Variants in PPP2R3A observed in about 807,000 individuals in gnomAD.
PPP2R3A encodes protein phosphatase 2 regulatory subunit B''alpha.
In PPP2R3A, 80 loss-of-function variants were observed where a neutral mutation model predicts 106.9. The ratio of observed to expected loss-of-function variants is 0.75; its 90% CI spans 0.62 to 0.90. The LOEUF is 0.90. PPP2R3A is among the 40% of genes least tolerant of loss of function. The pLI is 0.00. For missense variants in PPP2R3A, 1,386 were observed against 1,350.4 expected (o/e 1.03, Z -0.41); for synonymous variants, 483 against 468.3 (o/e 1.03, Z -0.41).
chr3:136,040,545 A>G (rs1231788365), intron 3 of PPP2R3A, among the ~76,000 whole-genome samples: 1 of 152,232 alleles, frequency 6.6e-6, no homozygotes, highest in Admixed American at 6.5e-5. Context: ...GTCTCAAAAA[A>G]GAAGAAAGTG....
rs935394895 is a variant in PPP2R3A at position 136,001,905 on chromosome 3, A to G, written c.407A>G (p.Asn136Ser). 1 of 1,614,176 alleles carries G rather than the reference A, an allele frequency of 6.2e-7. No homozygotes were observed. Among genetic ancestry groups the G allele is most frequent in the Non-Finnish European group, 8.5e-7 (1 of 1,180,026 alleles). Residue 136 changes from asparagine (N) to serine (S), a missense_variant, in exon 2 of 14, where the codon AAC (asparagine) becomes AGC (serine). Physicochemically the swap from Asn to Ser is conservative, Grantham distance 46. Coordinates refer to ENST00000264977, the MANE Select transcript of PPP2R3A (RefSeq NM_002718.5). ...TCCTTTGAAAAACTCAAAAACTCTA[A>G]CCATGCAGCTTACAGAAAGGGAAGG... ...EFSFEKLKNS[N>S]HAAYRKGRKV...
intron 1 of PPP2R3A, among the ~76,000 whole-genome samples, chr3:135,982,410 G>A (rs1937550276): frequency 6.6e-6 from 1 of 152,268 alleles, no homozygotes; most frequent in Non-Finnish European, 1.5e-5. Context: ...AAGAACTTTG[G>A]AAGTGTCTCA....
intron 2 of PPP2R3A, among the ~76,000 whole-genome samples, chr3:136,004,764 C>A (rs1332915817): frequency 1.3e-5 from 2 of 152,060 alleles, no homozygotes; most frequent in Admixed American, 1.3e-4. Flanking sequence ...TGAGGAAGGG[C>A]GTACAGGGGG....
chr3:136,007,457 A>G (rs372789168), intron 2 of PPP2R3A, among the ~76,000 whole-genome samples: 8 of 152,162 alleles, frequency 5.3e-5, no homozygotes, highest in East Asian at 3.8e-4. Flanking sequence ...GCAAGACTCA[A>G]GTATCTTACC....
chr3:136,023,099 G>C, intron 2 of PPP2R3A: 1 of 1,613,410 alleles, frequency 6.2e-7, no homozygotes, highest in African/African-American at 1.3e-5. Context: ...CTCTACGAAG[G>C]GACCCGGATT....
intron 1 of PPP2R3A, among the ~76,000 whole-genome samples, chr3:135,989,148 T>C (rs142492702): frequency 1.9e-3 from 295 of 152,286 alleles, no homozygotes; most frequent in South Asian, 3.9e-3. Flanking sequence ...CAGAGCTGTT[T>C]TGTTGCAGTA....
intron 9 of PPP2R3A, among the ~76,000 whole-genome samples, chr3:136,089,523 C>T (rs1937039938): frequency 6.6e-6 from 1 of 151,276 alleles, no homozygotes. Context: ...TATGATACCT[C>T]TCGCTTGGTT....
intron 3 of PPP2R3A, among the ~76,000 whole-genome samples, chr3:136,030,607 A>G (rs1033688406): frequency 7.9e-5 from 12 of 151,726 alleles, no homozygotes; most frequent in African/African-American, 2.9e-4. Flanking sequence ...ATGCCTTTGC[A>G]TCCTCATAGC....
chr3:136,129,772 A>G (rs1021392617), intron 13 of PPP2R3A, among the ~76,000 whole-genome samples: 5 of 152,168 alleles, frequency 3.3e-5, no homozygotes, highest in Non-Finnish European at 7.3e-5. Flanking sequence ...TCCTCAAAAT[A>G]CTGGCAGGCC....
chr3:136,034,302 T>C (rs976570650), intron 3 of PPP2R3A, among the ~76,000 whole-genome samples: 14 of 152,206 alleles, frequency 9.2e-5, no homozygotes, highest in African/African-American at 2.7e-4. Context: ...CCCAAAGTGC[T>C]GGGATGATGG....
At position 136,082,196 on chromosome 3, in the gene PPP2R3A, C is replaced by T. The variant is rs1369898427; in HGVS notation, c.2632-69C>T. The stretch of plus-strand genomic sequence containing the variant: ...AAATTCAGTTTAAAACAGAAATTCG[C>T]TAGACTCTGCACAGTGGCCAAAGCT... On this transcript the variant is annotated intron_variant, in intron 7 of 13. Coordinates refer to ENST00000264977, the MANE Select transcript of PPP2R3A (RefSeq NM_002718.5). The T allele has an allele frequency of 3.0e-6, 4 of 1,334,270 alleles. No individual in the cohort carries two copies. In the African/African-American group the frequency reaches 4.4e-5, roughly 15 times the overall value. 82.7% of individuals were successfully genotyped at this position (1,334,270 alleles called of 1,614,324 possible).
At chr3:136,026,341 T>C (rs1934654660) in intron 2 of PPP2R3A, among the ~76,000 whole-genome samples, 1 of 152,168 alleles carries the variant, frequency 6.6e-6, no homozygotes, top group Non-Finnish European at 1.5e-5. Context: ...TGATTCTACC[T>C]CAGCAAAGTC....
chr3:136,026,777 A>G, intron 2 of PPP2R3A, 55 bp from the exon 3 acceptor site: 4 of 1,477,648 alleles, frequency 2.7e-6, no homozygotes, highest in Non-Finnish European at 3.7e-6. Flanking sequence ...GAGAATTTTC[A>G]GTAAATGAAT....
At chr3:136,047,857 A>G (rs1191270118) in intron 4 of PPP2R3A, among the ~76,000 whole-genome samples, 1 of 151,862 alleles carries the variant, frequency 6.6e-6, no homozygotes, top group African/African-American at 2.4e-5. Context: ...GTGAGCTGAG[A>G]TTGCGCCACT....
chr3:136,078,530 G>C, intron 7 of PPP2R3A, 77 bp downstream of exon 7: 2 of 956,742 alleles, frequency 2.1e-6, no homozygotes, highest in Non-Finnish European at 3.3e-6. Context: ...ATATTTGAGC[G>C]CTTACTCTAT....
chr3:136,059,542 G>A (rs1254068300), intron 5 of PPP2R3A, among the ~76,000 whole-genome samples: 1 of 152,190 alleles, frequency 6.6e-6, no homozygotes, highest in African/African-American at 2.4e-5. Flanking sequence ...GTGTAAATTA[G>A]TTCAATCATT....
chr3:136,009,169 A>G (rs1216517705), intron 2 of PPP2R3A, among the ~76,000 whole-genome samples: 2 of 152,104 alleles, frequency 1.3e-5, no homozygotes, highest in East Asian at 3.9e-4. Context: ...TCTCTTCCTA[A>G]GGATACTGTA....
At chr3:136,070,247 C>A (rs889770019) in intron 5 of PPP2R3A, among the ~76,000 whole-genome samples, 1 of 152,152 alleles carries the variant, frequency 6.6e-6, no homozygotes, top group East Asian at 1.9e-4. Context: ...AATTACCTAA[C>A]GTAGCTAAAA....
chr3:136,108,043 TC>T (rs1361442223), intron 13 of PPP2R3A, among the ~76,000 whole-genome samples: 2 of 152,072 alleles, frequency 1.3e-5, no homozygotes, highest in African/African-American at 4.8e-5. Context: ...CGAAACCCCA[TC>T]TCTACAAAAA....
Sources: gnomAD v4.1 joint callset for allele counts (sites outside exome capture counted in the v4.1 genomes callset) on GRCh38, gnomAD v4.1.1 for gene constraint, MANE v1.5 for transcripts, NCBI Gene and HGNC (gene_info 2026-07-23, HGNC 2026-07-21) for gene names.